The following KIF6 variants were observed in gnomAD, a reference collection of about 807,000 sequenced individuals.
KIF6 encodes kinesin family member 6, also known as kinesin-like protein KIF6.
In KIF6, 106 loss-of-function variants were observed where a neutral mutation model predicts 112.7. That is an observed-to-expected ratio of 0.94 (90% CI 0.80 to 1.11). The LOEUF is 1.11. Ranked by LOEUF, KIF6 falls within the 50% of genes least tolerant of loss-of-function variation. The pLI, the probability that KIF6 is intolerant of heterozygous loss-of-function variation, is 0.00. For missense variants in KIF6, 929 were observed against 964.0 expected (o/e 0.96, Z 0.48); for synonymous variants, 339 against 339.9 (o/e 1.00, Z 0.03).
chr6:39,438,080 C>T (rs553689951), intron 13 of KIF6, among the ~76,000 whole-genome samples: 3 of 152,196 alleles, frequency 2.0e-5, no homozygotes, highest in Middle Eastern at 3.4e-3. Context: ...TGGGTTCAAG[C>T]GATTCTCCTG....
intron 13 of KIF6, among the ~76,000 whole-genome samples, chr6:39,485,610 T>C (rs915846939): frequency 6.6e-6 from 1 of 152,130 alleles, no homozygotes; most frequent in African/African-American, 2.4e-5. Context: ...GCATCTTCCA[T>C]TCTTCTGCCT....
intron 13 of KIF6, among the ~76,000 whole-genome samples, chr6:39,523,679 T>TG (rs1332172564): frequency 3.5e-5 from 4 of 115,568 alleles, no homozygotes; most frequent in Non-Finnish European, 5.1e-5. Flanking sequence ...TATATATATA[T>TG]ATATATATAT....
At chr6:39,492,298 A>G (rs1201811745) in intron 13 of KIF6, among the ~76,000 whole-genome samples, 1 of 152,222 alleles carries the variant, frequency 6.6e-6, no homozygotes, top group East Asian at 1.9e-4. Flanking sequence ...GATTTTGTCT[A>G]ATGGAGTGGA....
At chr6:39,509,389 T>A (rs1163438396) in intron 13 of KIF6, among the ~76,000 whole-genome samples, 2 of 152,136 alleles carry the variant, frequency 1.3e-5, no homozygotes, top group African/African-American at 4.8e-5. Context: ...GTTTGATGAG[T>A]TGAGAGAAGT....
chr6:39,527,650 T>C (rs894052842), intron 13 of KIF6, among the ~76,000 whole-genome samples: 4 of 152,196 alleles, frequency 2.6e-5, no homozygotes, highest in African/African-American at 9.7e-5. Flanking sequence ...TCTATTCCTT[T>C]ACTCCCTCTC....
At chr6:39,699,943 T>A (rs969276951) in intron 3 of KIF6, among the ~76,000 whole-genome samples, 1 of 152,204 alleles carries the variant, frequency 6.6e-6, no homozygotes, top group Admixed American at 6.5e-5. Context: ...TTGAAAGCAA[T>A]GTCAATTATT....
intron 3 of KIF6, among the ~76,000 whole-genome samples, chr6:39,693,068 C>T (rs1291270217): frequency 2.0e-5 from 3 of 152,174 alleles, no homozygotes; most frequent in African/African-American, 7.2e-5. Context: ...AACTGGCGTA[C>T]AGCTGCGCTG....
chr6:39,594,932 G>A (rs1199551490), intron 7 of KIF6, among the ~76,000 whole-genome samples: 1 of 151,928 alleles, frequency 6.6e-6, no homozygotes, highest in African/African-American at 2.4e-5. Flanking sequence ...AATGGAACTT[G>A]AGAAATCATC....
At chr6:39,612,247 A>G (rs938556044) in intron 6 of KIF6, among the ~76,000 whole-genome samples, 4 of 152,226 alleles carry the variant, frequency 2.6e-5, no homozygotes, top group Non-Finnish European at 5.9e-5. Flanking sequence ...CGGACTACTT[A>G]TGCTTTCAGC....
chr6:39,406,959 G>A (rs1769132221), intron 15 of KIF6, among the ~76,000 whole-genome samples: 1 of 152,092 alleles, frequency 6.6e-6, no homozygotes, highest in African/African-American at 2.4e-5. Context: ...GTCTCACTAT[G>A]TTGCTCAGGC....
chr6:39,576,138 T>C (rs528347780), intron 10 of KIF6, among the ~76,000 whole-genome samples: 2 of 152,182 alleles, frequency 1.3e-5, no homozygotes, highest in Non-Finnish European at 2.9e-5. Flanking sequence ...ACTGATTTTT[T>C]TTTCTTTTTT....
At chr6:39,363,122 T>C (rs1057171855) in intron 16 of KIF6, among the ~76,000 whole-genome samples, 4 of 152,106 alleles carry the variant, frequency 2.6e-5, no homozygotes, top group Admixed American at 6.6e-5. Flanking sequence ...GCACTCCAGC[T>C]TGGGCAACAA....
At chr6:39,624,423 C>G (rs1783987933) in intron 5 of KIF6, among the ~76,000 whole-genome samples, 1 of 152,054 alleles carries the variant, frequency 6.6e-6, no homozygotes, top group African/African-American at 2.4e-5. Context: ...TTCTAAAGAA[C>G]AGAATAAAGT....
intron 13 of KIF6, among the ~76,000 whole-genome samples, chr6:39,434,985 A>G (rs112336439): frequency 0.027 from 4,154 of 152,284 alleles, 153 homozygotes; most frequent in African/African-American, 0.079. Flanking sequence ...ATATTATTTC[A>G]GTTAAATTTC....
At chr6:39,359,471 A>T (rs1283561031) in intron 18 of KIF6, among the ~76,000 whole-genome samples, 2 of 152,260 alleles carry the variant, frequency 1.3e-5, no homozygotes, top group Non-Finnish European at 2.9e-5. Context: ...ACATGATGGA[A>T]CAGTAACAGC....
At chr6:39,657,443 A>T (rs1582384295) in intron 3 of KIF6, among the ~76,000 whole-genome samples, 2 of 152,164 alleles carry the variant, frequency 1.3e-5, no homozygotes, top group East Asian at 3.9e-4. Context: ...GCTTAGAGTC[A>T]TATAGAGTTC....
chr6:39,362,219 C>G (rs1305965391), intron 17 of KIF6, among the ~76,000 whole-genome samples: 1 of 152,184 alleles, frequency 6.6e-6, no homozygotes, highest in Non-Finnish European at 1.5e-5. Flanking sequence ...GCTTCCCGGG[C>G]CTGGCTTGGC....
At chr6:39,704,705 G>C (rs559992185) in intron 3 of KIF6, among the ~76,000 whole-genome samples, 4 of 152,268 alleles carry the variant, frequency 2.6e-5, no homozygotes, top group East Asian at 1.9e-4. Context: ...GTTGGGATCT[G>C]AACTGCACTT....
At chr6:39,412,081 G>A (rs1413143047) in intron 15 of KIF6, among the ~76,000 whole-genome samples, 1 of 152,002 alleles carries the variant, frequency 6.6e-6, no homozygotes, top group Non-Finnish European at 1.5e-5. Flanking sequence ...ATCTTTTCTT[G>A]GTGGCATTCC....
Sources: gnomAD v4.1 joint callset for allele counts (sites outside exome capture counted in the v4.1 genomes callset) on GRCh38, gnomAD v4.1.1 for gene constraint, MANE v1.5 for transcripts, NCBI Gene and HGNC (gene_info 2026-07-23, HGNC 2026-07-21) for gene names.